The following PCID2 variants were observed in gnomAD, a reference collection of about 807,000 sequenced individuals.
The protein encoded by PCID2 is PCI domain containing 2, also known as PCI domain-containing protein 2.
PCID2 carries 41 observed loss-of-function variants against 61.3 expected under a neutral mutation model. That is an observed-to-expected ratio of 0.67 (90% confidence interval 0.52 to 0.87). The LOEUF is 0.87. Among genes scored for constraint, PCID2 ranks in the 40% least tolerant of loss-of-function variants. The probability of loss-of-function intolerance (pLI) is 0.00; values close to 1 mark genes in which losing one functional copy is unlikely to be tolerated. For missense variants in PCID2, 392 were observed against 493.4 expected (o/e 0.79, Z 1.95); for synonymous variants, 187 against 177.8 (o/e 1.05, Z -0.41).
chr13:113,201,885 C>T (rs938263925), intron 1 of PCID2, among the ~76,000 whole-genome samples: 4 of 149,292 alleles, frequency 2.7e-5, no homozygotes, highest in African/African-American at 9.9e-5. Context: ...GCTTTAGATA[C>T]AGTATAATTT....
At chr13:113,170,627 T>C in the PCID2 span, 34 of 807,310 alleles carry the variant, frequency 4.2e-5, no homozygotes, top group Middle Eastern at 7.1e-4. Context: ...CTGTTTCTAA[T>C]GCAACATAGA....
downstream of PCID2, among the ~76,000 whole-genome samples, chr13:113,177,375 G>C (rs942184869): frequency 6.6e-6 from 1 of 152,094 alleles, no homozygotes; most frequent in Admixed American, 6.6e-5. Context: ...AATCTCAGGT[G>C]ATCTGCCTGC....
intron 1 of PCID2, among the ~76,000 whole-genome samples, chr13:113,202,664 G>A (rs35480842): frequency 0.019 from 2,878 of 152,298 alleles, 43 homozygotes; most frequent in Non-Finnish European, 0.03. Context: ...TAAGAATGAA[G>A]GGAAACAAGA....
chr13:113,200,594 G>A, intron 1 of PCID2, 78 bp from the exon 2 acceptor site: 1 of 896,290 alleles, frequency 1.1e-6, no homozygotes, highest in East Asian at 2.5e-5. Context: ...TACACTGAAT[G>A]CCACACAGGG....
At chr13:113,165,314 C>G in the PCID2 span, 8 of 668,138 alleles carry the variant, frequency 1.2e-5, no homozygotes, top group Non-Finnish European at 1.9e-5. Flanking sequence ...TACAAAAGGA[C>G]AGCATTATTT....
chr13:113,175,568 G>T (rs998107861), downstream of PCID2, among the ~76,000 whole-genome samples: 1 of 152,244 alleles, frequency 6.6e-6, no homozygotes, highest in African/African-American at 2.4e-5. Flanking sequence ...CTGGACACAT[G>T]GGTAGCTAGA....
chr13:113,193,149 A>G (rs568848413), intron 6 of PCID2, among the ~76,000 whole-genome samples: 6 of 152,194 alleles, frequency 3.9e-5, no homozygotes, highest in Non-Finnish European at 8.8e-5. Context: ...GCCCAAATGG[A>G]CTAAGACATG....
Position 113,178,965 on chromosome 13 carries a change from C to G in PCID2, c.1110+1G>C, listed in dbSNP as rs1304427519. 3.7e-6 allele frequency: 6 copies of G among 1,611,688 alleles called. No homozygotes were observed. The highest frequency in any genetic ancestry group is 5.1e-6 in the Non-Finnish European group (6 of 1,179,162). On this transcript the variant is annotated splice_donor_variant, in intron 13 of 13. Transcript: ENST00000337344. LOFTEE classifies it high-confidence loss of function. ...TTAAATTAAAACCAGGACTCACACACCATGTATATCAAGTTAGCCAGAATA... is the reference window on the plus strand; with the variant it reads ...TTAAATTAAAACCAGGACTCACACAGCATGTATATCAAGTTAGCCAGAATA...
chr13:113,188,699 T>C (rs1384354139), intron 7 of PCID2: 1 of 152,210 alleles, frequency 6.6e-6, no homozygotes, highest in East Asian at 1.9e-4. Context: ...TCCAACCCCT[T>C]CATTCAAGAA....
chr13:113,169,384 C>G, the PCID2 span, among the ~76,000 whole-genome samples: 11 of 152,246 alleles, frequency 7.2e-5, no homozygotes, highest in South Asian at 2.3e-3. Flanking sequence ...GTTTAATTGT[C>G]CTTGTCTACT....
intron 1 of PCID2, among the ~76,000 whole-genome samples, chr13:113,207,182 T>C (rs2039935969): frequency 6.6e-6 from 1 of 152,234 alleles, no homozygotes; most frequent in African/African-American, 2.4e-5. Context: ...GATGTGTTTG[T>C]TCTCAAATCT....
chr13:113,206,813 T>A (rs1595294210), intron 1 of PCID2, among the ~76,000 whole-genome samples: 1 of 152,252 alleles, frequency 6.6e-6, no homozygotes, highest in African/African-American at 2.4e-5. Context: ...TGCGGAGATG[T>A]AGGCATGCAC....
At chr13:113,203,319 C>G (rs370316579) in intron 1 of PCID2, among the ~76,000 whole-genome samples, 28 of 152,344 alleles carry the variant, frequency 1.8e-4, no homozygotes, top group African/African-American at 6.0e-4. Context: ...TGCTGCTCAA[C>G]GTCACATCAT....
At position 113,179,744 on chromosome 13, in the gene PCID2, G is replaced by A. The variant is rs760809828; in HGVS notation, c.986+173C>T. ...AGCTTGTGCTACTCACGTGTCTCGCGCAGGGTCCCCAGGAGGCAGTGGGCG... is the reference window on the plus strand; with the variant it reads ...AGCTTGTGCTACTCACGTGTCTCGCACAGGGTCCCCAGGAGGCAGTGGGCG... On this transcript the variant is annotated intron_variant, in intron 12 of 13. Coordinates refer to ENST00000337344, the MANE Select transcript of PCID2 (RefSeq NM_001127202.4). The surrounding 1 kb of genome is among the most constrained non-coding windows in gnomAD (Gnocchi z 4.3). Among the ~76,000 whole-genome samples the A allele has an allele frequency of 1.3e-5, 2 of 152,136 alleles. No homozygotes were observed. The highest frequency in any genetic ancestry group is 6.5e-5 in the Admixed American group (1 of 15,276).
chr13:113,206,463 C>T (rs1314683439), intron 1 of PCID2, among the ~76,000 whole-genome samples: 2 of 152,154 alleles, frequency 1.3e-5, no homozygotes, highest in East Asian at 1.9e-4. Flanking sequence ...TTCGGAGATA[C>T]ATCCAATTAG....
intron 3 of PCID2, 127 bp downstream of exon 3, chr13:113,198,064 A>G: frequency 3.0e-6 from 2 of 670,484 alleles, no homozygotes; most frequent in South Asian, 3.9e-5. Context: ...GAAGTTACAA[A>G]TGCATTTTCC....
At chr13:113,196,351 AAGTT>A in intron 4 of PCID2, 129 bp from the exon 5 acceptor site, 2 of 640,862 alleles carry the variant, frequency 3.1e-6, no homozygotes, top group Non-Finnish European at 5.4e-6. Context: ...CAACAATAGT[AAGTT>A]CTTGAAGGAA....
At chr13:113,194,184 A>G (rs954839457) in intron 6 of PCID2, among the ~76,000 whole-genome samples, 3 of 152,070 alleles carry the variant, frequency 2.0e-5, no homozygotes, top group African/African-American at 7.2e-5. Context: ...CCCAGTCCGC[A>G]CCACTTTGCA....
intron 1 of PCID2, among the ~76,000 whole-genome samples, chr13:113,205,358 A>C (rs1388014110): frequency 6.6e-6 from 1 of 152,262 alleles, no homozygotes; most frequent in Non-Finnish European, 1.5e-5. Flanking sequence ...CATAATAAAA[A>C]GAATGGAAAA....
Sources: allele counts gnomAD v4.1 joint callset (sites outside exome capture counted in the v4.1 genomes callset), GRCh38; gene constraint gnomAD v4.1.1; non-coding constraint Gnocchi (gnomAD v3.1); transcripts MANE v1.5; gene names NCBI Gene and HGNC (gene_info 2026-07-23, HGNC 2026-07-21).